Variants in AOX1 observed in about 807,000 individuals in gnomAD.
The protein encoded by AOX1 is aldehyde oxidase.
In AOX1, 153 loss-of-function variants were observed where a neutral mutation model predicts 169.5. The observed-to-expected ratio is 0.90, with a 90% CI of 0.79 to 1.03. The LOEUF (loss-of-function observed/expected upper bound fraction) is 1.03. AOX1 is among the 50% of genes least tolerant of loss of function. AOX1 has a pLI of 0.00. For synonymous variants in AOX1, 562 were observed against 581.9 expected, an observed-to-expected ratio of 0.97 and a Z score of 0.49; for missense variants, 1,656 against 1,663.9, an observed-to-expected ratio of 1.00 and a Z score of 0.08.
chr2:200,659,013 A>G (rs10931910), intron 27 of AOX1, 152 bp from the exon 28 acceptor site: 291,943 of 618,762 alleles, frequency 0.47, 72,866 homozygotes, highest in East Asian at 0.79. Flanking sequence ...TTTTAGAAAC[A>G]AGAAACTTTT....
chr2:200,599,788 A>T, intron 5 of AOX1, 42 bp downstream of exon 5: 1 of 1,350,802 alleles, frequency 7.4e-7, no homozygotes, highest in Non-Finnish European at 9.6e-7. Context: ...ATTTTTATTT[A>T]TTTATTTATT....
intron 25 of AOX1, among the ~76,000 whole-genome samples, chr2:200,644,927 A>G (rs1220434272): frequency 6.6e-6 from 1 of 152,128 alleles, no homozygotes; most frequent in African/African-American, 2.4e-5. Context: ...TTCTTTTATC[A>G]GTTCTAGGAG....
downstream of AOX1, among the ~76,000 whole-genome samples, chr2:200,675,625 C>CA (rs1406000082): frequency 3.3e-5 from 5 of 151,928 alleles, no homozygotes; most frequent in African/African-American, 7.3e-5. Flanking sequence ...AGGTGAAGTC[C>CA]AAGGATTTTC....
chr2:200,612,674 A>C lies in AOX1; in HGVS notation c.1329A>C (p.Ser443=), dbSNP rs780481664. The change falls in exon 14 of 35, where the codon TCA becomes TCC. Residue 443 remains serine, a synonymous_variant. Transcript: ENST00000374700. ...RQENALAIVN[S]GMRVFFGEGD... ...AGAATGCGCTAGCGATAGTCAATTCAGGAATGAGAGTCTTTTTTGGAGAAG... is the reference window on the plus strand; with the variant it reads ...AGAATGCGCTAGCGATAGTCAATTCCGGAATGAGAGTCTTTTTTGGAGAAG... The C allele has an allele frequency of 1.1e-5, 18 of 1,614,130 alleles. No individual in the cohort carries two copies. The highest frequency in any genetic ancestry group is 1.4e-5 in the Non-Finnish European group (17 of 1,180,012).
At position 200,669,720 on chromosome 2, in the gene AOX1, G is replaced by A. The variant is rs763425049; in HGVS notation, c.3944G>A (p.Cys1315Tyr). Residue 1315 changes from cysteine to tyrosine, a missense_variant, in exon 34 of 35, where the codon TGT (cysteine) becomes TAT (tyrosine). Coordinates refer to ENST00000374700, the MANE Select transcript of AOX1 (RefSeq NM_001159.4). ...ACCCCGGAGAAGATTAGGATGGCCT[G>A]TGAAGACAAGTTCACAAAAATGGTA... ...PLTPEKIRMA[C>Y]EDKFTKMIPR... The A allele has an allele frequency of 3.7e-6, 6 of 1,611,882 alleles. No individual in the cohort carries two copies. In the African/African-American group the frequency reaches 6.7e-5, roughly 18 times the overall value.
At chr2:200,674,703 A>G (rs537003661), downstream of AOX1, among the ~76,000 whole-genome samples, 5 of 152,292 alleles carry the variant, frequency 3.3e-5, no homozygotes, top group South Asian at 1.0e-3. Context: ...CTTGCCATGT[A>G]GCTGATGCTG....
In AOX1 at chr2:200,656,850, C is replaced by G. The variant is rs1239828857; in HGVS notation, c.3084C>G (p.Ala1028=). The G allele has an allele frequency of 6.3e-7, 1 of 1,577,876 alleles. No homozygotes were observed. Among genetic ancestry groups the G allele is most frequent in the Non-Finnish European group, 8.6e-7 (1 of 1,161,192 alleles). ...LGSRAAGQAA[A]LVHIYLDGSV... ...TCGTCTTTTCTGCTCAGGCTGCTGC[C>G]TTGGTTCACATTTATCTTGATGGCT... The change falls in exon 27 of 35, where the codon GCC becomes GCG. Residue 1028 remains alanine (A), a synonymous_variant. Transcript: ENST00000374700.
chr2:200,600,782 C>G (rs533055769), intron 5 of AOX1, among the ~76,000 whole-genome samples: 1 of 152,214 alleles, frequency 6.6e-6, no homozygotes, highest in South Asian at 2.1e-4. Flanking sequence ...ATGATGTAAA[C>G]AAGTGATAAG....
At chr2:200,601,516 G>A (rs919539791) in intron 5 of AOX1, among the ~76,000 whole-genome samples, 1 of 152,130 alleles carries the variant, frequency 6.6e-6, no homozygotes, top group African/African-American at 2.4e-5. Flanking sequence ...TAATAGATAT[G>A]TTTATAACAT....
intron 31 of AOX1, among the ~76,000 whole-genome samples, chr2:200,665,312 A>AAT (rs1382188136): frequency 6.6e-6 from 1 of 152,218 alleles, no homozygotes; most frequent in African/African-American, 2.4e-5. Context: ...TATGGATGTG[A>AAT]ATACCAGGAG....
intron 5 of AOX1, among the ~76,000 whole-genome samples, chr2:200,600,091 G>C (rs2034377868): frequency 6.6e-6 from 1 of 152,194 alleles, no homozygotes; most frequent in Non-Finnish European, 1.5e-5. Flanking sequence ...TGGAGAAACT[G>C]AGGTTTGGGG....
At position 200,616,212 on chromosome 2, in the gene AOX1, A is replaced by G. The variant is rs568304419; in HGVS notation, c.1704+149A>G. 3 of 608,902 alleles carry G rather than the reference A, an allele frequency of 4.9e-6. No individual in the cohort carries two copies. The African/African-American group carries it at 5.6e-5, about 11-fold the overall frequency. The allele number at this position is 608,902 out of a possible 1,614,324, so 37.7% of individuals were successfully genotyped here. ...CACAGCCTCTTTATGGGTAACTAAAATTCCAAAATCAATGAAGAATTTGAT... is the reference window on the plus strand; with the variant it reads ...CACAGCCTCTTTATGGGTAACTAAAGTTCCAAAATCAATGAAGAATTTGAT... On this transcript the variant is annotated intron_variant, in intron 16 of 34. Transcript: ENST00000374700.
intron 1 of AOX1, among the ~76,000 whole-genome samples, chr2:200,592,202 T>C (rs973941196): frequency 6.6e-6 from 1 of 152,172 alleles, no homozygotes; most frequent in Non-Finnish European, 1.5e-5. Context: ...TCTTTCTATA[T>C]TGCGGACTCT....
At position 200,604,743 on chromosome 2, in the gene AOX1, G is replaced by T. The variant is rs756216774; in HGVS notation, c.717G>T (p.Glu239Asp). 8 of 1,614,140 alleles carry T rather than the reference G, an allele frequency of 5.0e-6. No homozygotes were observed. The highest frequency in any genetic ancestry group is 5.9e-6 in the Non-Finnish European group (7 of 1,179,998). Reference sequence around the variant, plus strand: ...AAAGGACCAGGGTGTTTGGCAGTGAGAGAATGATGTGGTTTTCCCCCGTGA... The same window carrying T: ...AAAGGACCAGGGTGTTTGGCAGTGATAGAATGATGTGGTTTTCCCCCGTGA... Reference protein sequence around the residue: ...QSQRTRVFGSERMMWFSPVTL... With the variant: ...QSQRTRVFGSDRMMWFSPVTL... The change falls in exon 9 of 35, where the codon GAG (glutamate) becomes GAT (aspartate). Residue 239 changes from glutamate (E) to aspartate (D), a missense_variant. By Grantham distance (45) the Glu-to-Asp change is conservative. Transcript: ENST00000374700.
At chr2:200,677,381 T>C (rs1403277991), downstream of AOX1, among the ~76,000 whole-genome samples, 1 of 152,202 alleles carries the variant, frequency 6.6e-6, no homozygotes, top group Non-Finnish European at 1.5e-5. Flanking sequence ...ATCCAAGCCA[T>C]CAGGCATTGA....
chr2:200,638,295 A>G lies in AOX1; in HGVS notation c.2561A>G (p.Lys854Arg), dbSNP rs112951726. Reference protein sequence around the residue: ...ITGGRHPYLGKYKAGFMNDGR... With the variant: ...ITGGRHPYLGRYKAGFMNDGR... ...GGAGGCCGCCATCCTTACCTTGGAA[A>G]GTACAAAGTGAGTACAAGAGGGCAT... Residue 854 changes from lysine (K) to arginine (R), a missense_variant, in exon 23 of 35, where the codon AAG becomes AGG. By Grantham distance (26) the Lys-to-Arg change is conservative. Transcript: ENST00000374700. 9.4e-4 allele frequency: 1,516 copies of G among 1,613,600 alleles called. 10 individuals carry two copies. Among genetic ancestry groups the G allele is most frequent in the African/African-American group, 6.9e-3 (521 of 75,042 alleles).
chr2:200,647,662 TTA>T (rs2105754088), intron 25 of AOX1, among the ~76,000 whole-genome samples: 1 of 152,352 alleles, frequency 6.6e-6, no homozygotes, highest in South Asian at 2.1e-4. Flanking sequence ...TTTTCCTTGA[TTA>T]TCCCCCTGAA....
intron 14 of AOX1, 145 bp from the exon 15 acceptor site, chr2:200,613,658 TG>T: frequency 2.9e-6 from 2 of 698,920 alleles, no homozygotes; most frequent in Non-Finnish European, 4.4e-6. Context: ...TTGAGAATGG[TG>T]GGCCAATTTG....
downstream of AOX1, among the ~76,000 whole-genome samples, chr2:200,679,936 C>T (rs2036138860): frequency 6.6e-6 from 1 of 152,058 alleles, no homozygotes; most frequent in Admixed American, 6.5e-5. Context: ...AACAACTCAG[C>T]TGGGCATAGT....
Sources: allele counts gnomAD v4.1 joint callset (sites outside exome capture counted in the v4.1 genomes callset), GRCh38; gene constraint gnomAD v4.1.1; transcripts MANE v1.5; gene names NCBI Gene and HGNC (gene_info 2026-07-23, HGNC 2026-07-21).